ANGPT2: variants seen among roughly 807,000 people sequenced by gnomAD.
ANGPT2 encodes the protein angiopoietin-2.
Under a neutral mutation model 62.9 loss-of-function variants are expected in ANGPT2, and 28 were observed. The ratio of observed to expected loss-of-function variants is 0.44; its 90% confidence interval spans 0.33 to 0.61. ANGPT2 has a LOEUF of 0.61. Ranked by LOEUF, ANGPT2 falls within the 20% of genes least tolerant of loss-of-function variation. The probability of loss-of-function intolerance (pLI) is 0.03; values close to 1 mark genes in which losing one functional copy is unlikely to be tolerated. For missense variants in ANGPT2, 727 were observed against 594.9 expected, an observed-to-expected ratio of 1.22 and a Z score of -2.31; for synonymous variants, 284 against 207.8, an observed-to-expected ratio of 1.37 and a Z score of -3.15.
In ANGPT2 at chr8:6,501,118, G is replaced by T. The variant is rs1812095773; in HGVS notation, c.*1983C>A. ...GTAGATACAGTTCTAAGATAGGGAG[G>T]TTCTTAACTAGTTAAATAGTTGTTG... is the stretch of plus-strand genomic sequence containing the variant. On this transcript the variant is annotated 3_prime_UTR_variant, in exon 9 of 9. Transcript: ENST00000629816. 6.6e-6 allele frequency: 1 copy of T among 152,210 alleles called. No individual in the cohort carries two copies. Among genetic ancestry groups the T allele is most frequent in the Admixed American group, 6.5e-5 (1 of 15,280 alleles). 9.4% of individuals were successfully genotyped at this position (152,210 alleles called of 1,614,324 possible).
intron 8 of ANGPT2, among the ~76,000 whole-genome samples, chr8:6,504,151 T>C (rs569836105): frequency 6.6e-6 from 1 of 151,764 alleles, no homozygotes; most frequent in Non-Finnish European, 1.5e-5. Flanking sequence ...ACCCCGTCTC[T>C]ACTAAAAATA....
At chr8:6,552,820 T>C (rs1823889943) in intron 1 of ANGPT2, among the ~76,000 whole-genome samples, 1 of 152,032 alleles carries the variant, frequency 6.6e-6, no homozygotes. Context: ...TCCTGCTTTT[T>C]TTTTTTTAAC....
chr8:6,520,113 T>A, intron 4 of ANGPT2, 122 bp from the exon 5 acceptor site: 1 of 1,124,648 alleles, frequency 8.9e-7, no homozygotes, highest in Non-Finnish European at 1.2e-6. Context: ...AGCAAAAGGC[T>A]GTACCACTTT....
At chr8:6,528,215 G>A (rs540176590) in intron 2 of ANGPT2, among the ~76,000 whole-genome samples, 1 of 152,278 alleles carries the variant, frequency 6.6e-6, no homozygotes, top group South Asian at 2.1e-4. Context: ...CTCTATCTTG[G>A]AAAGTGGTTA....
chr8:6,514,656 T>G (rs1161073247), intron 6 of ANGPT2, 21 bp downstream of exon 6: 1 of 1,598,926 alleles, frequency 6.3e-7, no homozygotes, highest in Non-Finnish European at 8.6e-7. Flanking sequence ...TCTTTTCTGA[T>G]GCCTTAAAGA....
intron 5 of ANGPT2, among the ~76,000 whole-genome samples, chr8:6,515,521 GGGTTTA>G: frequency 6.6e-6 from 1 of 152,214 alleles, no homozygotes; most frequent in South Asian, 2.1e-4. Flanking sequence ...CTGGCTCTGT[GGGTTTA>G]AACTTTGTCC....
chr8:6,550,937 CCTCT>C (rs532474941), intron 1 of ANGPT2, among the ~76,000 whole-genome samples: 1 of 152,172 alleles, frequency 6.6e-6, no homozygotes, highest in Non-Finnish European at 1.5e-5. Context: ...GGAAGGAGTG[CCTCT>C]CTCTGTTTTG....
chr8:6,521,258 T>A lies in ANGPT2; in HGVS notation c.719A>T (p.Asn240Ile). ...LEKKIVTATV[N>I]NSVLQKQQHD... The stretch of plus-strand genomic sequence containing the variant: ...TTGCTGCTTCTGAAGAACTGAATTA[T>A]TCACCGTGGCAGTCACTATTTTTTT... The change falls in exon 4 of 9, where the codon AAT becomes ATT. Residue 240 changes from asparagine to isoleucine, a missense_variant. Coordinates refer to ENST00000629816, the MANE Select transcript of ANGPT2 (RefSeq NM_001118887.2). 1 of 1,613,988 alleles carries A rather than the reference T, an allele frequency of 6.2e-7. No individual in the cohort carries two copies. Among genetic ancestry groups the A allele is most frequent in the Non-Finnish European group, 8.5e-7 (1 of 1,179,946 alleles).
In ANGPT2 at chr8:6,546,762, C is replaced by T. The variant is rs185647680; in HGVS notation, c.289-14275G>A. ...TGCACTTGGTAGGATATAAACTCAACGTACCCTCTTCCTCCCCTTCCCCCA... is the reference window on the plus strand; with the variant it reads ...TGCACTTGGTAGGATATAAACTCAATGTACCCTCTTCCTCCCCTTCCCCCA... On this transcript the variant is annotated intron_variant, in intron 1 of 8. Coordinates refer to ENST00000629816, the MANE Select transcript of ANGPT2 (RefSeq NM_001118887.2). Among the ~76,000 whole-genome samples the T allele has an allele frequency of 9.8e-4, 149 of 152,308 alleles. 3 individuals carry two copies. The highest frequency in any genetic ancestry group is 6.2e-3 in the Admixed American group (95 of 15,302).
rs548844399 is a variant in ANGPT2, at chr8:6,535,727, C to A, written c.289-3240G>T. The stretch of plus-strand genomic sequence containing the variant: ...AGAATGGAACAGAACCAAAAATGTG[C>A]AGTAGTAGATATTTTGTGTTGATTT... On this transcript the variant is annotated intron_variant, in intron 1 of 8. Transcript: ENST00000629816. 5.3e-5 allele frequency among the ~76,000 whole-genome samples: 8 copies of A among 152,132 alleles called. No individual in the cohort carries two copies. In the South Asian group the frequency reaches 1.7e-3, roughly 32 times the overall value.
At chr8:6,528,026 G>C (rs1182460594) in intron 2 of ANGPT2, among the ~76,000 whole-genome samples, 4 of 151,798 alleles carry the variant, frequency 2.6e-5, no homozygotes, top group Admixed American at 2.6e-4. Flanking sequence ...CTCCCCAGTA[G>C]CTGGGATTAC....
chr8:6,513,435 C>T (rs534132339), intron 7 of ANGPT2, among the ~76,000 whole-genome samples: 2 of 151,708 alleles, frequency 1.3e-5, no homozygotes, highest in East Asian at 3.9e-4. Context: ...CGGGTTCACG[C>T]CATTCTTCTG....
At chr8:6,532,576 A>AAAG in intron 1 of ANGPT2, 89 bp from the exon 2 acceptor site, 1 of 542,536 alleles carries the variant, frequency 1.8e-6, no homozygotes, top group Non-Finnish European at 2.6e-6. Context: ...CCTATCTTTA[A>AAAG]AAAAAAAAAA....
chr8:6,512,146 A>T (rs1181267938), intron 7 of ANGPT2, among the ~76,000 whole-genome samples: 1 of 152,144 alleles, frequency 6.6e-6, no homozygotes, highest in Non-Finnish European at 1.5e-5. Context: ...TGCTTCACTG[A>T]TGTTTAAAGA....
chr8:6,513,913 C>T, intron 6 of ANGPT2, 69 bp from the exon 7 acceptor site: 3 of 1,389,260 alleles, frequency 2.2e-6, no homozygotes, highest in African/African-American at 2.9e-5. Context: ...AGTGGATAGT[C>T]CGTCAACTTA....
intron 2 of ANGPT2, 99 bp from the exon 3 acceptor site, chr8:6,527,775 AC>A: frequency 8.8e-7 from 1 of 1,139,778 alleles, no homozygotes; most frequent in South Asian, 1.6e-5. Flanking sequence ...GGAAAACATA[AC>A]AAAAACATTA....
At chr8:6,517,555 G>C (rs1816499766) in intron 5 of ANGPT2, among the ~76,000 whole-genome samples, 1 of 152,204 alleles carries the variant, frequency 6.6e-6, no homozygotes, top group Admixed American at 6.5e-5. Context: ...TTCTTTTCTT[G>C]AATTAGATAA....
intron 1 of ANGPT2, among the ~76,000 whole-genome samples, chr8:6,535,244 G>C (rs993218916): frequency 6.6e-6 from 1 of 152,150 alleles, no homozygotes; most frequent in Non-Finnish European, 1.5e-5. Flanking sequence ...CCCATTTCTA[G>C]AGCTACTGAG....
intron 2 of ANGPT2, 52 bp downstream of exon 2, chr8:6,532,280 G>C (rs1819666233): frequency 2.5e-6 from 4 of 1,608,810 alleles, no homozygotes; most frequent in African/African-American, 1.3e-5. Flanking sequence ...ACGCGACTGA[G>C]TGCTAGTCTC....
Sources: allele counts gnomAD v4.1 joint callset (sites outside exome capture counted in the v4.1 genomes callset), GRCh38; gene constraint gnomAD v4.1.1; transcripts MANE v1.5; gene names NCBI Gene and HGNC (gene_info 2026-07-23, HGNC 2026-07-21).